EXOC4: variants seen among roughly 807,000 people sequenced by gnomAD.
EXOC4 encodes exocyst complex component 4.
A neutral mutation model predicts 107.2 loss-of-function variants in EXOC4; 71 were observed. The observed-to-expected ratio is 0.66, with a 90% CI of 0.55 to 0.81. EXOC4 has a LOEUF of 0.81. Ranked by LOEUF, EXOC4 falls within the 30% of genes least tolerant of loss-of-function variation. The probability of loss-of-function intolerance (pLI) is 0.00; values close to 1 mark genes in which losing one functional copy is unlikely to be tolerated. For synonymous variants in EXOC4, 456 were observed against 441.2 expected (o/e 1.03, Z -0.42); for missense variants, 1,108 against 1,189.6 (o/e 0.93, Z 1.01).
At chr7:133,435,809 A>G (rs969651530) in intron 7 of EXOC4, among the ~76,000 whole-genome samples, 4 of 152,150 alleles carry the variant, frequency 2.6e-5, no homozygotes, top group Non-Finnish European at 5.9e-5. Flanking sequence ...GTTAATTTCT[A>G]GAAGTATCTA....
intron 9 of EXOC4, among the ~76,000 whole-genome samples, chr7:133,570,634 G>A (rs967078363): frequency 6.6e-6 from 1 of 152,186 alleles, no homozygotes; most frequent in Non-Finnish European, 1.5e-5. Context: ...TGTCATGCGT[G>A]AAACTGAAAT....
chr7:133,970,576 C>T (rs1052217542), intron 14 of EXOC4, among the ~76,000 whole-genome samples: 20 of 152,064 alleles, frequency 1.3e-4, no homozygotes, highest in African/African-American at 4.6e-4. Context: ...CAGTCCCTCA[C>T]GGCTTCCCTT....
intron 10 of EXOC4, among the ~76,000 whole-genome samples, chr7:133,798,385 C>G (rs1796858971): frequency 6.8e-6 from 1 of 146,070 alleles, no homozygotes; most frequent in African/African-American, 2.5e-5. Flanking sequence ...GTGGTGATAT[C>G]ACTTTTATCA....
At chr7:133,349,690 T>C (rs1051660322) in intron 5 of EXOC4, among the ~76,000 whole-genome samples, 5 of 152,304 alleles carry the variant, frequency 3.3e-5, no homozygotes, top group African/African-American at 1.2e-4. Flanking sequence ...TATACTCAAT[T>C]AGAATTGCTG....
At chr7:133,554,743 A>G (rs1800660165) in intron 9 of EXOC4, among the ~76,000 whole-genome samples, 1 of 152,120 alleles carries the variant, frequency 6.6e-6, no homozygotes, top group South Asian at 2.1e-4. Context: ...AGATGTAACA[A>G]TTGGCACATT....
At chr7:134,005,896 G>T (rs1794632812) in intron 16 of EXOC4, among the ~76,000 whole-genome samples, 1 of 152,104 alleles carries the variant, frequency 6.6e-6, no homozygotes, top group Non-Finnish European at 1.5e-5. Flanking sequence ...AGCAAATTTG[G>T]GCCCCCCAAA....
At chr7:133,315,655 AG>A (rs1215563350) in intron 4 of EXOC4, among the ~76,000 whole-genome samples, 2 of 152,304 alleles carry the variant, frequency 1.3e-5, no homozygotes, top group Non-Finnish European at 1.5e-5. Flanking sequence ...ATTGGATTTG[AG>A]GACTGTTGGA....
chr7:133,410,039 T>A (rs527701960), intron 7 of EXOC4, among the ~76,000 whole-genome samples: 10 of 152,348 alleles, frequency 6.6e-5, no homozygotes, highest in African/African-American at 2.4e-4. Context: ...GAGTCTCTTT[T>A]TCATGCTAAG....
intron 10 of EXOC4, among the ~76,000 whole-genome samples, chr7:133,814,358 G>C (rs1797311704): frequency 6.6e-6 from 1 of 152,066 alleles, no homozygotes; most frequent in Non-Finnish European, 1.5e-5. Context: ...TTCCACATTT[G>C]GGGGTAGAGG....
At position 133,616,245 on chromosome 7, in the gene EXOC4, A is replaced by T. The variant is rs375420918; in HGVS notation, c.1418-13800A>T. Among the ~76,000 whole-genome samples the T allele has an allele frequency of 2.0e-4, 30 of 152,194 alleles. No homozygotes were observed. The East Asian group carries it at 5.4e-3, about 27-fold the overall frequency. ...TTATTCCTTTGGTTTATCTTGTAATAGCTTTGCTTGTAATTTTGTGTGTGC... is the reference window on the plus strand; with the variant it reads ...TTATTCCTTTGGTTTATCTTGTAATTGCTTTGCTTGTAATTTTGTGTGTGC... On this transcript the variant is annotated intron_variant, in intron 9 of 17. Coordinates refer to ENST00000253861, the MANE Select transcript of EXOC4 (RefSeq NM_021807.4).
intron 10 of EXOC4, among the ~76,000 whole-genome samples, chr7:133,707,597 T>A (rs747343692): frequency 2.6e-5 from 4 of 151,968 alleles, no homozygotes; most frequent in Non-Finnish European, 4.4e-5. Flanking sequence ...TGAACAATAT[T>A]TGCCCTTTAT....
At chr7:134,029,303 C>T (rs1301607246) in intron 17 of EXOC4, among the ~76,000 whole-genome samples, 1 of 152,162 alleles carries the variant, frequency 6.6e-6, no homozygotes, top group African/African-American at 2.4e-5. Flanking sequence ...ACCTCAAAAA[C>T]ATTGTGCTAA....
intron 14 of EXOC4, among the ~76,000 whole-genome samples, chr7:133,952,875 C>T (rs1179619558): frequency 6.6e-6 from 1 of 152,214 alleles, no homozygotes; most frequent in East Asian, 1.9e-4. Flanking sequence ...CTGTACCACA[C>T]TTTATTTCTC....
At chr7:133,487,306 A>G (rs1348088727) in intron 9 of EXOC4, among the ~76,000 whole-genome samples, 1 of 152,264 alleles carries the variant, frequency 6.6e-6, no homozygotes, top group Non-Finnish European at 1.5e-5. Flanking sequence ...ATTCATTCAT[A>G]CAGATGTGAG....
intron 14 of EXOC4, among the ~76,000 whole-genome samples, chr7:133,989,600 G>A (rs1042836448): frequency 6.6e-6 from 1 of 152,138 alleles, no homozygotes; most frequent in African/African-American, 2.4e-5. Flanking sequence ...GAAGTAAAGG[G>A]CCAGTGAATT....
chr7:133,675,821 C>A (rs1163383224), intron 10 of EXOC4, among the ~76,000 whole-genome samples: 1 of 152,138 alleles, frequency 6.6e-6, no homozygotes, highest in African/African-American at 2.4e-5. Flanking sequence ...CTTTGTTGGA[C>A]AGCTTTAATT....
At chr7:133,278,470 G>C (rs907534913) in intron 2 of EXOC4, among the ~76,000 whole-genome samples, 2 of 152,186 alleles carry the variant, frequency 1.3e-5, no homozygotes, top group African/African-American at 4.8e-5. Flanking sequence ...TGGCCAGAAA[G>C]GGCTTCACTG....
intron 7 of EXOC4, among the ~76,000 whole-genome samples, chr7:133,460,740 C>T (rs951062393): frequency 5.3e-5 from 8 of 152,090 alleles, no homozygotes; most frequent in Non-Finnish European, 1.0e-4. Context: ...TTCCTTATTT[C>T]ATAGACAGAA....
At chr7:134,007,628 C>G in intron 16 of EXOC4, 48 bp from the exon 17 acceptor site, 1 of 1,521,112 alleles carries the variant, frequency 6.6e-7, no homozygotes, top group Non-Finnish European at 8.8e-7. Flanking sequence ...AGGAATGCCT[C>G]TAATCTGTCA....
Sources: gnomAD v4.1 joint callset for allele counts (sites outside exome capture counted in the v4.1 genomes callset) on GRCh38, gnomAD v4.1.1 for gene constraint, MANE v1.5 for transcripts, NCBI Gene and HGNC (gene_info 2026-07-23, HGNC 2026-07-21) for gene names.